Variants in ATIC observed in about 807,000 individuals in gnomAD.
ATIC encodes the protein bifunctional purine biosynthesis protein ATIC.
A neutral mutation model predicts 72.5 loss-of-function variants in ATIC; 64 were observed. The observed-to-expected ratio is 0.88, with a 90% confidence interval of 0.72 to 1.09. The LOEUF (loss-of-function observed/expected upper bound fraction) is 1.09, where lower values mean the gene tolerates loss of function less well. Among genes scored for constraint, ATIC ranks in the 50% least tolerant of loss-of-function variants. The pLI is 0.00. For missense variants in ATIC, 787 were observed against 732.4 expected (o/e 1.07, Z -0.86); for synonymous variants, 281 against 267.1 (o/e 1.05, Z -0.51).
intron 4 of ATIC, among the ~76,000 whole-genome samples, chr2:215,323,251 T>G (rs546920805): frequency 1.3e-5 from 2 of 152,214 alleles, no homozygotes; most frequent in Admixed American, 1.3e-4. Context: ...GGCCCCAACT[T>G]CGTTTTTTTT....
chr2:215,321,169 C>T (rs1216261816), intron 4 of ATIC, among the ~76,000 whole-genome samples: 1 of 152,216 alleles, frequency 6.6e-6, no homozygotes, highest in Non-Finnish European at 1.5e-5. Context: ...GCCTCGGCAA[C>T]CACCAATTGT....
At chr2:215,352,325 T>A (rs1398109457), downstream of ATIC, among the ~76,000 whole-genome samples, 1 of 152,228 alleles carries the variant, frequency 6.6e-6, no homozygotes, top group East Asian at 1.9e-4. Context: ...TTCACACCTG[T>A]AATCCCAGCA....
rs1213384759 is a variant in ATIC at position 215,326,982 on chromosome 2, AAGCCCG to A, written c.688+8_688+13del. ...CAGCCCAAGCTTCCCATCACAGGTA[AAGCCCG>A]AGCGTTCTGTGGCATGGTTTGCTGT... is the stretch of plus-strand genomic sequence containing the variant. On this transcript the variant is annotated splice_donor_5th_base_variant and intron_variant, in intron 7 of 15. Transcript: ENST00000236959. The A allele has an allele frequency of 6.2e-7, 1 of 1,614,122 alleles. No individual in the cohort carries two copies. Among genetic ancestry groups the A allele is most frequent in the Non-Finnish European group, 8.5e-7 (1 of 1,180,018 alleles).
chr2:215,348,344 C>A (rs1181724240), intron 14 of ATIC, among the ~76,000 whole-genome samples: 1 of 152,064 alleles, frequency 6.6e-6, no homozygotes, highest in Non-Finnish European at 1.5e-5. Context: ...ACCCTTGGAA[C>A]ACAATTTTTA....
intron 7 of ATIC, among the ~76,000 whole-genome samples, chr2:215,327,662 A>G (rs1313731754): frequency 6.6e-6 from 1 of 152,104 alleles, no homozygotes; most frequent in Non-Finnish European, 1.5e-5. Flanking sequence ...CCAGGCATGG[A>G]GGCCTTGGAA....
At chr2:215,367,904 C>T in the ATIC span, 1 of 1,614,130 alleles carries the variant, frequency 6.2e-7, no homozygotes, top group Non-Finnish European at 8.5e-7. Context: ...AAAGCCTAAG[C>T]ACTGGCACAA....
chr2:215,339,779 C>A (rs1237406435), intron 12 of ATIC, among the ~76,000 whole-genome samples: 2 of 151,180 alleles, frequency 1.3e-5, no homozygotes, highest in Admixed American at 6.6e-5. Flanking sequence ...GGACTACAGG[C>A]GCCCGCCACA....
chr2:215,332,405 A>G lies in ATIC; in HGVS notation c.712A>G (p.Ile238Val), dbSNP rs780155225. 2.8e-5 allele frequency: 45 copies of G among 1,613,980 alleles called. No individual in the cohort carries two copies. Among genetic ancestry groups the G allele is most frequent in the Non-Finnish European group, 3.6e-5 (43 of 1,180,030 alleles). ...AGTTCTAAATGGAGCCCCTGGATTTATAAACTTGTGCGATGCTTTGAACGC... is the reference window on the plus strand; with the variant it reads ...AGTTCTAAATGGAGCCCCTGGATTTGTAAACTTGTGCGATGCTTTGAACGC... ...ITVLNGAPGF[I>V]NLCDALNAWQ... The change falls in exon 8 of 16, where the codon ATA becomes GTA. Residue 238 changes from isoleucine (I) to valine (V), a missense_variant. Physicochemically the swap from Ile to Val is conservative, Grantham distance 29. Transcript: ENST00000236959.
intron 6 of ATIC, among the ~76,000 whole-genome samples, chr2:215,326,519 A>G (rs958880536): frequency 2.6e-5 from 4 of 151,954 alleles, no homozygotes; most frequent in African/African-American, 9.7e-5. Context: ...CTGAGGCAGG[A>G]GAATCGCTTG....
intron 9 of ATIC, among the ~76,000 whole-genome samples, chr2:215,334,420 T>TC (rs1359481013): frequency 1.3e-5 from 2 of 152,094 alleles, no homozygotes; most frequent in East Asian, 3.9e-4. Flanking sequence ...GGTCTTGAGC[T>TC]CCTGACCTCA....
the ATIC span, chr2:215,361,321 A>T: frequency 3.3e-5 from 18 of 546,176 alleles, no homozygotes; most frequent in Non-Finnish European, 4.9e-5. Context: ...AGCGGTATTG[A>T]ATACTTCGAA....
chr2:215,338,980 C>T, intron 12 of ATIC, 73 bp downstream of exon 12: 1 of 1,587,852 alleles, frequency 6.3e-7, no homozygotes, highest in Admixed American at 1.7e-5. Flanking sequence ...ATGAGCTTTA[C>T]ATTTATTAAG....
At chr2:215,323,631 T>C (rs189926371) in intron 4 of ATIC, among the ~76,000 whole-genome samples, 1 of 152,234 alleles carries the variant, frequency 6.6e-6, no homozygotes, top group Admixed American at 6.5e-5. Context: ...TTCTGTATAC[T>C]AGGTGGTATC....
At chr2:215,331,040 T>C (rs2052887610) in intron 7 of ATIC, among the ~76,000 whole-genome samples, 1 of 152,224 alleles carries the variant, frequency 6.6e-6, no homozygotes, top group African/African-American at 2.4e-5. Flanking sequence ...ATGGACATAT[T>C]GAAGGGCATC....
chr2:215,368,424 T>C, the ATIC span, among the ~76,000 whole-genome samples: 3 of 152,200 alleles, frequency 2.0e-5, no homozygotes, highest in East Asian at 5.8e-4. Context: ...CACTCTGCCT[T>C]GCTTCCCTCA....
At chr2:215,367,841 G>A in the ATIC span, 6 of 1,613,240 alleles carry the variant, frequency 3.7e-6, no homozygotes, top group Non-Finnish European at 5.1e-6. Context: ...CACGGAAGTG[G>A]ATGGACAAAG....
chr2:215,366,816 C>T, the ATIC span, among the ~76,000 whole-genome samples: 1 of 149,642 alleles, frequency 6.7e-6, no homozygotes, highest in Non-Finnish European at 1.5e-5. Context: ...AGGTAATAAA[C>T]ATACAAACTT....
At position 215,312,556 on chromosome 2, in the gene ATIC, T is replaced by C. The variant is rs2052665342; in HGVS notation, c.78T>C (p.Ala26=). 1 of 1,614,074 alleles carries C rather than the reference T, an allele frequency of 6.2e-7. No individual in the cohort carries two copies. The change falls in exon 2 of 16, where the codon GCT becomes GCC. Residue 26 remains alanine, a synonymous_variant. Transcript: ENST00000236959. ...GLVEFARNLT[A]LGLNLVASGG... Reference sequence around the variant, plus strand: ...TGGAATTTGCAAGAAACCTGACCGCTCTTGGTTTGAATCTGGTCGCTTCCG... The same window carrying C: ...TGGAATTTGCAAGAAACCTGACCGCCCTTGGTTTGAATCTGGTCGCTTCCG...
chr2:215,335,993 C>T (rs752474122), intron 10 of ATIC, 42 bp from the exon 11 acceptor site: 17 of 1,485,846 alleles, frequency 1.1e-5, no homozygotes, highest in Non-Finnish European at 1.6e-5. Flanking sequence ...GAGGTGTTCT[C>T]TGATTTTTAA....
Sources: gnomAD v4.1 joint callset for allele counts (sites outside exome capture counted in the v4.1 genomes callset) on GRCh38, gnomAD v4.1.1 for gene constraint, MANE v1.5 for transcripts, NCBI Gene and HGNC (gene_info 2026-07-23, HGNC 2026-07-21) for gene names.